The following COMMD1 variants were observed in gnomAD, a reference collection of about 807,000 sequenced individuals.
The protein encoded by COMMD1 is copper metabolism domain containing 1.
Under a neutral mutation model 17.2 loss-of-function variants are expected in COMMD1, and 10 were observed. That is an observed-to-expected ratio of 0.58 (90% CI 0.36 to 0.99). The LOEUF (loss-of-function observed/expected upper bound fraction) is 0.99, where lower values mean the gene tolerates loss of function less well. COMMD1 is among the 50% of genes least tolerant of loss of function. The probability of loss-of-function intolerance (pLI) is 0.01; values close to 1 mark genes in which losing one functional copy is unlikely to be tolerated. For missense variants in COMMD1, 270 were observed against 231.8 expected (o/e 1.17, Z -1.07); for synonymous variants, 97 against 91.6 (o/e 1.06, Z -0.34).
upstream of COMMD1, among the ~76,000 whole-genome samples, chr2:61,904,582 CT>C (rs1348075079): frequency 6.6e-6 from 1 of 152,174 alleles, no homozygotes; most frequent in Non-Finnish European, 1.5e-5. Context: ...CATCTGGCTA[CT>C]TTGTATGTCT....
chr2:61,974,750 G>A (rs971637380), intron 1 of COMMD1, among the ~76,000 whole-genome samples: 7 of 151,922 alleles, frequency 4.6e-5, no homozygotes, highest in Non-Finnish European at 8.8e-5. Context: ...AAAACTGAAG[G>A]GAAAATACAG....
intron 2 of COMMD1, among the ~76,000 whole-genome samples, chr2:62,027,839 T>C (rs372655006): frequency 3.3e-5 from 5 of 152,180 alleles, no homozygotes; most frequent in African/African-American, 9.6e-5. Context: ...TTTTTGTTAT[T>C]TTTTTGAAGA....
At chr2:61,895,146 G>A (rs1669527037) in intron 1 of COMMD1, among the ~76,000 whole-genome samples, 1 of 152,228 alleles carries the variant, frequency 6.6e-6, no homozygotes, top group African/African-American at 2.4e-5. Flanking sequence ...GAATAAGAGA[G>A]ATTTAAGAAA....
At chr2:61,908,721 G>A (rs1173372545) in intron 1 of COMMD1, among the ~76,000 whole-genome samples, 1 of 151,486 alleles carries the variant, frequency 6.6e-6, no homozygotes, top group East Asian at 1.9e-4. Context: ...CACCACGCCC[G>A]GCTAATTTTT....
At chr2:61,930,730 A>AT (rs1670445351) in intron 1 of COMMD1, among the ~76,000 whole-genome samples, 2 of 151,324 alleles carry the variant, frequency 1.3e-5, no homozygotes, top group African/African-American at 4.9e-5. Flanking sequence ...TTTAGATGTT[A>AT]TGTCACCTGG....
At chr2:62,057,143 C>T (rs1670727610) in intron 2 of COMMD1, among the ~76,000 whole-genome samples, 1 of 152,022 alleles carries the variant, frequency 6.6e-6, no homozygotes, top group African/African-American at 2.4e-5. Flanking sequence ...ACTGATTATG[C>T]ATTATGGTGA....
intron 2 of COMMD1, among the ~76,000 whole-genome samples, chr2:62,115,302 C>T (rs548820915): frequency 8.1e-4 from 124 of 152,350 alleles, no homozygotes; most frequent in African/African-American, 2.9e-3. Context: ...ATTAGGCACA[C>T]GCACACATAG....
intron 2 of COMMD1, among the ~76,000 whole-genome samples, chr2:62,056,041 T>A (rs2103928266): frequency 6.6e-6 from 1 of 152,320 alleles, no homozygotes; most frequent in Admixed American, 6.5e-5. Flanking sequence ...AATGATTACA[T>A]ATCAGGAAAA....
intron 1 of COMMD1, among the ~76,000 whole-genome samples, chr2:61,936,198 A>C (rs1670603925): frequency 6.6e-6 from 1 of 152,128 alleles, no homozygotes; most frequent in African/African-American, 2.4e-5. Flanking sequence ...CGTCTCTGGT[A>C]GGGTTCTGGA....
intron 2 of COMMD1, among the ~76,000 whole-genome samples, chr2:62,107,772 T>A (rs1672356550): frequency 6.6e-6 from 1 of 152,220 alleles, no homozygotes; most frequent in African/African-American, 2.4e-5. Context: ...AAGTTTTATG[T>A]GTCAACATTC....
At chr2:62,049,976 A>C in intron 2 of COMMD1, among the ~76,000 whole-genome samples, 1 of 152,242 alleles carries the variant, frequency 6.6e-6, no homozygotes, top group East Asian at 1.9e-4. Context: ...AATCAAAAAA[A>C]CATGATCAGT....
intron 1 of COMMD1, among the ~76,000 whole-genome samples, chr2:61,988,700 G>T (rs1035765445): frequency 6.6e-6 from 1 of 152,118 alleles, no homozygotes; most frequent in Non-Finnish European, 1.5e-5. Flanking sequence ...CCCTGAGTCC[G>T]CTGGCTCTGA....
At chr2:61,898,588 T>C (rs1483503874) in intron 1 of COMMD1, among the ~76,000 whole-genome samples, 2 of 152,116 alleles carry the variant, frequency 1.3e-5, no homozygotes, top group African/African-American at 4.8e-5. Context: ...TTGTAAAACT[T>C]TGGGGCCCTT....
At chr2:62,011,532 A>G (rs1669278228) in intron 2 of COMMD1, among the ~76,000 whole-genome samples, 2 of 151,994 alleles carry the variant, frequency 1.3e-5, no homozygotes, top group Non-Finnish European at 2.9e-5. Context: ...GCATCCTCAC[A>G]GTCTTGGATG....
At chr2:61,977,250 T>TG in intron 1 of COMMD1, among the ~76,000 whole-genome samples, 1 of 147,134 alleles carries the variant, frequency 6.8e-6, no homozygotes, top group East Asian at 2.0e-4. Context: ...GCTTTTTTTT[T>TG]TTTTTTTTTT....
chr2:61,905,925 C>T, intron 1 of COMMD1, 67 bp downstream of exon 1: 1 of 1,507,430 alleles, frequency 6.6e-7, no homozygotes, highest in Non-Finnish European at 9.2e-7. Context: ...CAGACTCTCC[C>T]CCCCTTGCCT....
At chr2:62,079,858 C>T (rs1470751092) in intron 2 of COMMD1, 5 of 152,082 alleles carry the variant, frequency 3.3e-5, no homozygotes, top group Non-Finnish European at 7.4e-5. Context: ...TGGAAATTCA[C>T]TAAGAATTGG....
At chr2:62,058,480 A>G (rs1670770794) in intron 2 of COMMD1, among the ~76,000 whole-genome samples, 2 of 152,160 alleles carry the variant, frequency 1.3e-5, no homozygotes, top group African/African-American at 4.8e-5. Flanking sequence ...TCAGCCTTCA[A>G]ATTTTCTTCT....
At position 62,095,752 on chromosome 2, in the gene COMMD1, C is replaced by G. The variant is rs1671982920; in HGVS notation, c.463-40079C>G. On this transcript the variant is annotated intron_variant, in intron 2 of 2. Coordinates refer to ENST00000311832, the MANE Select transcript of COMMD1 (RefSeq NM_152516.4). The stretch of plus-strand genomic sequence containing the variant: ...AGGATAATCACCAGATCAGACTACC[C>G]ATTCCTGGAATTAAAAAAAATGGTT... Among the ~76,000 whole-genome samples, 4 of 129,464 alleles carry G rather than the reference C, an allele frequency of 3.1e-5. No individual in the cohort carries two copies. The South Asian group carries it at 7.3e-4, about 24-fold the overall frequency. 84.9% of individuals were successfully genotyped at this position (129,464 alleles called of 152,430 possible).
Sources: gnomAD v4.1 joint callset for allele counts (sites outside exome capture counted in the v4.1 genomes callset) on GRCh38, gnomAD v4.1.1 for gene constraint, MANE v1.5 for transcripts, NCBI Gene and HGNC (gene_info 2026-07-23, HGNC 2026-07-21) for gene names.